Variants in PKIG observed in about 807,000 individuals in gnomAD.
PKIG encodes cAMP-dependent protein kinase inhibitor gamma, also known as protein kinase (cAMP-dependent, catalytic) inhibitor gamma.
Under a neutral mutation model 6.8 loss-of-function variants are expected in PKIG, and 1 was observed. The observed-to-expected ratio is 0.15, with a 90% CI of 0.05 to 0.69. The LOEUF (loss-of-function observed/expected upper bound fraction) is 0.69, where lower values mean the gene tolerates loss of function less well. Ranked by LOEUF, PKIG falls within the 30% of genes least tolerant of loss-of-function variation. The pLI, the probability that PKIG is intolerant of heterozygous loss-of-function variation, is 0.82. For missense variants in PKIG, 77 were observed against 104.0 expected, an observed-to-expected ratio of 0.74 and a Z score of 1.13; for synonymous variants, 39 against 43.0, an observed-to-expected ratio of 0.91 and a Z score of 0.36.
intron 2 of PKIG, among the ~76,000 whole-genome samples, chr20:44,592,933 C>T (rs1441093267): frequency 6.6e-6 from 1 of 152,134 alleles, no homozygotes; most frequent in Non-Finnish European, 1.5e-5. Flanking sequence ...GCATTGCTTA[C>T]AGAAATAGAA....
At chr20:44,571,776 CAT>C (rs1410482507) in intron 1 of PKIG, among the ~76,000 whole-genome samples, 1 of 152,226 alleles carries the variant, frequency 6.6e-6, no homozygotes, top group East Asian at 1.9e-4. Context: ...AGGCTCTGCA[CAT>C]ATGTTTGTTA....
chr20:44,548,104 G>C (rs1008700332), intron 1 of PKIG, among the ~76,000 whole-genome samples: 1 of 152,048 alleles, frequency 6.6e-6, no homozygotes, highest in Non-Finnish European at 1.5e-5. Flanking sequence ...ACTTGAACTT[G>C]GGAGGTGGAG....
At chr20:44,545,792 C>T (rs1398456424) in intron 1 of PKIG, among the ~76,000 whole-genome samples, 2 of 152,104 alleles carry the variant, frequency 1.3e-5, no homozygotes, top group African/African-American at 4.8e-5. Context: ...TTACTCCAGC[C>T]TGGGACACAG....
chr20:44,606,527 G>A (rs1252872188), intron 2 of PKIG, among the ~76,000 whole-genome samples: 1 of 152,176 alleles, frequency 6.6e-6, no homozygotes, highest in East Asian at 1.9e-4. Context: ...AAGGGCTTGA[G>A]GCCAGGCATG....
intron 2 of PKIG, among the ~76,000 whole-genome samples, chr20:44,596,149 A>G (rs1269565454): frequency 6.6e-6 from 1 of 152,222 alleles, no homozygotes; most frequent in African/African-American, 2.4e-5. Flanking sequence ...CCCTCTTGGA[A>G]TCAGTTGGAA....
chr20:44,602,225 A>G (rs959072399), intron 2 of PKIG, among the ~76,000 whole-genome samples: 22 of 152,178 alleles, frequency 1.4e-4, no homozygotes, highest in Admixed American at 7.2e-4. Context: ...TTTAGACTCA[A>G]ATTGCCTGTT....
intron 2 of PKIG, among the ~76,000 whole-genome samples, chr20:44,611,186 C>T (rs2065215573): frequency 6.6e-6 from 1 of 150,588 alleles, no homozygotes; most frequent in Non-Finnish European, 1.5e-5. Flanking sequence ...TCCAGAGTAA[C>T]TGAGACTACA....
At chr20:44,546,560 C>CTTTTTTT (rs59060487) in intron 1 of PKIG, among the ~76,000 whole-genome samples, 4 of 141,864 alleles carry the variant, frequency 2.8e-5, no homozygotes, top group African/African-American at 2.7e-5. Flanking sequence ...TTTTTGAGTT[C>CTTTTTTT]TTTTTTTTTT....
chr20:44,595,546 C>G (rs1253872412), intron 2 of PKIG, among the ~76,000 whole-genome samples: 1 of 152,156 alleles, frequency 6.6e-6, no homozygotes, highest in Non-Finnish European at 1.5e-5. Context: ...TGGAGTTTCG[C>G]TGTGTTGCCC....
intron 2 of PKIG, among the ~76,000 whole-genome samples, chr20:44,613,059 G>A (rs918060550): frequency 2.6e-5 from 4 of 152,172 alleles, no homozygotes; most frequent in Non-Finnish European, 4.4e-5. Context: ...ATTTCTAAAT[G>A]TATGTGGCTC....
intron 1 of PKIG, among the ~76,000 whole-genome samples, chr20:44,546,435 A>G (rs2064614487): frequency 6.6e-6 from 1 of 152,098 alleles, no homozygotes; most frequent in South Asian, 2.1e-4. Context: ...GTTGTTATGT[A>G]TGGGTTACTG....
intron 1 of PKIG, among the ~76,000 whole-genome samples, chr20:44,532,170 G>T (rs1464072078): frequency 6.6e-6 from 1 of 152,178 alleles, no homozygotes; most frequent in Non-Finnish European, 1.5e-5. Context: ...GGGAGAGTCC[G>T]TTTTCGGCTG....
intron 1 of PKIG, among the ~76,000 whole-genome samples, chr20:44,558,578 C>CTTTCTTTTTTTCTTT: frequency 7.9e-6 from 1 of 127,374 alleles, no homozygotes; most frequent in African/African-American, 3.3e-5. Context: ...TTTCTTTTTT[C>CTTTCTTTTTTTCTTT]TTTCTTTCTT....
At chr20:44,555,243 T>G (rs1406058521) in intron 1 of PKIG, among the ~76,000 whole-genome samples, 2 of 152,166 alleles carry the variant, frequency 1.3e-5, no homozygotes, top group Non-Finnish European at 1.5e-5. Context: ...AACATGAAAA[T>G]GTATTGAGAG....
chr20:44,548,817 C>A (rs2064639868), intron 1 of PKIG, among the ~76,000 whole-genome samples: 1 of 147,150 alleles, frequency 6.8e-6, no homozygotes, highest in Non-Finnish European at 1.5e-5. Context: ...ATAAAGAATT[C>A]TAATTATGTA....
At chr20:44,544,918 CTTCT>C (rs2064597578) in intron 1 of PKIG, among the ~76,000 whole-genome samples, 3 of 124,872 alleles carry the variant, frequency 2.4e-5, no homozygotes, top group South Asian at 2.5e-4. Flanking sequence ...TCTTTCCTTC[CTTCT>C]TTCTTTTTTT....
intron 1 of PKIG, among the ~76,000 whole-genome samples, chr20:44,566,218 T>C (rs975027777): frequency 2.0e-5 from 3 of 152,238 alleles, no homozygotes; most frequent in African/African-American, 2.4e-5. Flanking sequence ...TACAGCTATG[T>C]TCATTTTGTT....
At chr20:44,571,340 C>T (rs1353397403) in intron 1 of PKIG, among the ~76,000 whole-genome samples, 1 of 151,188 alleles carries the variant, frequency 6.6e-6, no homozygotes, top group African/African-American at 2.4e-5. Flanking sequence ...AACTTTTTTC[C>T]TAATGTAAAA....
rs752335348 is a variant in PKIG at position 44,614,743 on chromosome 20, C to T, written c.151+36C>T. On this transcript the variant is annotated intron_variant, in intron 3 of 3. Transcript: ENST00000372886. This position sits in a 1 kb window ranked among gnomAD's most constrained non-coding sequence, Gnocchi z 4.6. The stretch of plus-strand genomic sequence containing the variant: ...GCAGGTCCTTGGCACTACTGCATGC[C>T]AGAGGCCCTCTGCCGGGCCCCGGGC... 2.5e-6 allele frequency: 4 copies of T among 1,609,668 alleles called. No homozygotes were observed. The highest frequency in any genetic ancestry group is 1.7e-6 in the Non-Finnish European group (2 of 1,178,130).
Sources: gnomAD v4.1 joint callset for allele counts (sites outside exome capture counted in the v4.1 genomes callset) on GRCh38, gnomAD v4.1.1 for gene constraint, Gnocchi (gnomAD v3.1) non-coding constraint, MANE v1.5 for transcripts, NCBI Gene and HGNC (gene_info 2026-07-23, HGNC 2026-07-21) for gene names.